Variants in ABCC3 observed in about 807,000 individuals in gnomAD.
ABCC3 encodes ATP binding cassette subfamily C member 3.
In ABCC3, 121 loss-of-function variants were observed where a neutral mutation model predicts 165.3. The ratio of observed to expected loss-of-function variants is 0.73; its 90% confidence interval spans 0.63 to 0.85. ABCC3 has a LOEUF of 0.85. Ranked by LOEUF, ABCC3 falls within the 40% of genes least tolerant of loss-of-function variation. The probability of loss-of-function intolerance (pLI) is 0.00; values close to 1 mark genes in which losing one functional copy is unlikely to be tolerated. For missense variants in ABCC3, 1,869 were observed against 1,964.1 expected, an observed-to-expected ratio of 0.95 and a Z score of 0.92; for synonymous variants, 733 against 810.1, an observed-to-expected ratio of 0.90 and a Z score of 1.62.
rs543240077 is a variant in ABCC3 at position 50,650,888 on chromosome 17, A to G, written c.46-4944A>G. Among the ~76,000 whole-genome samples the G allele has an allele frequency of 3.9e-5, 6 of 152,024 alleles. No homozygotes were observed. The South Asian group carries it at 1.2e-3, about 32-fold the overall frequency. ...AAGACCGGCCTGGCTGACATGCTGA[A>G]ACCCTGTCTCTATTAAAAATACAAA... On this transcript the variant is annotated intron_variant, in intron 1 of 30. Transcript: ENST00000285238.
At chr17:50,685,024 C>T (rs1967998970) in intron 29 of ABCC3, 149 bp downstream of exon 29, 1 of 908,438 alleles carries the variant, frequency 1.1e-6, no homozygotes, top group Admixed American at 2.8e-5. Context: ...ATTCCGTGTG[C>T]CAGGCATGGT....
In ABCC3 at chr17:50,678,103, A is replaced by T; in HGVS notation, c.3589A>T (p.Ile1197Phe). 1 of 1,600,742 alleles carries T rather than the reference A, an allele frequency of 6.2e-7. No individual in the cohort carries two copies. Among genetic ancestry groups the T allele is most frequent in the Non-Finnish European group, 8.5e-7 (1 of 1,171,958 alleles). Residue 1197 changes from isoleucine to phenylalanine, a missense_variant, in exon 25 of 31, where the codon ATC becomes TTC. By Grantham distance (21) the Ile-to-Phe change is conservative. Transcript: ENST00000285238. ...PYIISNRWLS[I>F]GVEFVGNCVV... is the part of the protein sequence containing the mutation. ...TCTGATCCCCCATAGGTGGCTGAGC[A>T]TCGGAGTGGAGTTCGTGGGGAACTG...
chr17:50,639,104 G>A (rs1047413869), intron 1 of ABCC3, among the ~76,000 whole-genome samples: 1 of 152,194 alleles, frequency 6.6e-6, no homozygotes, highest in African/African-American at 2.4e-5. Flanking sequence ...GCACATCCAT[G>A]GGGAAGCTGA....
chr17:50,635,723 A>C, intron 1 of ABCC3: 1 of 637,714 alleles, frequency 1.6e-6, no homozygotes, highest in South Asian at 1.7e-5. Flanking sequence ...GCTGGGATAG[A>C]AAAACAGGCT....
At chr17:50,674,718 C>T (rs765762465) in intron 19 of ABCC3, among the ~76,000 whole-genome samples, 1 of 151,880 alleles carries the variant, frequency 6.6e-6, no homozygotes, top group Non-Finnish European at 1.5e-5. Context: ...ATACAGCCAA[C>T]GTGCCTTGAG....
In ABCC3 at chr17:50,655,887, A is replaced by T; in HGVS notation, c.101A>T (p.Asn34Ile). The change falls in exon 2 of 31, where the codon AAC becomes ATC. Residue 34 changes from asparagine (N) to isoleucine (I), a missense_variant. Physicochemically the swap from Asn to Ile is moderately radical, Grantham distance 149. Coordinates refer to ENST00000285238, the MANE Select transcript of ABCC3 (RefSeq NM_003786.4). ...CCGGACCTCACTCCCTGCTTCCAGA[A>T]CTCCCTGCTGGCCTGGGTGCCCTGC... Reference protein sequence around the residue: ...ENPDLTPCFQNSLLAWVPCIY... With the variant: ...ENPDLTPCFQISLLAWVPCIY... The T allele has an allele frequency of 6.2e-7, 1 of 1,613,254 alleles. No homozygotes were observed. The highest frequency in any genetic ancestry group is 8.5e-7 in the Non-Finnish European group (1 of 1,179,794).
chr17:50,643,234 G>C (rs1209799693), intron 1 of ABCC3, among the ~76,000 whole-genome samples: 1 of 152,188 alleles, frequency 6.6e-6, no homozygotes, highest in Non-Finnish European at 1.5e-5. Context: ...GGCAGCTTTG[G>C]GACAGGCTAT....
chr17:50,676,500 C>G lies in ABCC3; in HGVS notation c.3290C>G (p.Ala1097Gly), dbSNP rs1967813375. The G allele has an allele frequency of 6.2e-7, 1 of 1,613,724 alleles. No homozygotes were observed. The highest frequency in any genetic ancestry group is 1.7e-5 in the Admixed American group (1 of 59,974). ...ILMLLNSFFNAISTLVVIMAS... is the reference protein window; with the variant it reads ...ILMLLNSFFNGISTLVVIMAS... ...ATGCTGCTCAATTCCTTCTTCAACG[C>G]CATCTCCACTCTTGTGGTCATCATG... The change falls in exon 23 of 31, where the codon GCC becomes GGC. Residue 1097 changes from alanine (A) to glycine (G), a missense_variant. Physicochemically the swap from Ala to Gly is moderately conservative, Grantham distance 60. Transcript: ENST00000285238.
intron 14 of ABCC3, 139 bp downstream of exon 14, chr17:50,668,656 T>A: frequency 1.3e-6 from 1 of 785,030 alleles, no homozygotes; most frequent in Non-Finnish European, 2.1e-6. Flanking sequence ...ACCTCCTCCC[T>A]CTTCCGGGTT....
Position 50,691,326 on chromosome 17 carries a change from A to C in ABCC3, c.*126A>C. 3 of 713,128 alleles carry C rather than the reference A, an allele frequency of 4.2e-6. No individual in the cohort carries two copies. In the Admixed American group the frequency reaches 6.5e-5, roughly 15 times the overall value. 44.2% of individuals were successfully genotyped at this position (713,128 alleles called of 1,614,324 possible). A position where few individuals can be genotyped will look rare whatever the true frequency, so the allele number is the denominator to read the frequency against. On this transcript the variant is annotated 3_prime_UTR_variant, in exon 31 of 31. Coordinates refer to ENST00000285238, the MANE Select transcript of ABCC3 (RefSeq NM_003786.4). ...GGCACCTTAAGATTTTGCACCTGTA[A>C]AGTGCCTTACAGGGTAACTGTGCTG...
At position 50,660,927 on chromosome 17, in the gene ABCC3, A is replaced by G. The variant is rs1446007533; in HGVS notation, c.811A>G (p.Lys271Glu). ...GCTCCTTCCTCCCTGGACCAGACAC[A>G]AGGCTTCAGCAGCACCTGGGAAAAA... ...RKQEKQTARH[K>E]ASAAPGKNAS... The change falls in exon 8 of 31, where the codon AAG becomes GAG. Residue 271 changes from lysine (K) to glutamate (E), a missense_variant. Coordinates refer to ENST00000285238, the MANE Select transcript of ABCC3 (RefSeq NM_003786.4). 6.3e-7 allele frequency: 1 copy of G among 1,596,872 alleles called. No homozygotes were observed. Among genetic ancestry groups the G allele is most frequent in the Non-Finnish European group, 8.5e-7 (1 of 1,172,126 alleles).
chr17:50,676,276 AG>A lies in ABCC3; in HGVS notation c.3069del. 6.2e-7 allele frequency: 1 copy of A among 1,610,198 alleles called. No homozygotes were observed. Among genetic ancestry groups the A allele is most frequent in the Non-Finnish European group, 8.5e-7 (1 of 1,177,892 alleles). ...GCCAGCGCCCTCTGCCTTCTCCAAC[AG>A]GGTTCTTGGTGATGCTGGCAGCCAT... On this transcript the variant is annotated splice_acceptor_variant, in intron 22 of 30. Coordinates refer to ENST00000285238, the MANE Select transcript of ABCC3 (RefSeq NM_003786.4). LOFTEE classifies it high-confidence loss of function.
At chr17:50,673,351 G>A (rs1967689195) in intron 18 of ABCC3, 118 bp from the exon 19 acceptor site, 1 of 1,358,382 alleles carries the variant, frequency 7.4e-7, no homozygotes, top group Non-Finnish European at 1.0e-6. Flanking sequence ...AGTCACCCAT[G>A]TGCCTGTCCA....
rs536248245 is a variant in ABCC3, at chr17:50,681,227, A to G, written c.3807+1328A>G. ...TGAATAATCTCTGTCCTCAAACCCC[A>G]CATCTCCCTCCTGCTCAGCCATCGA... On this transcript the variant is annotated intron_variant, in intron 26 of 30. Coordinates refer to ENST00000285238, the MANE Select transcript of ABCC3 (RefSeq NM_003786.4). 3.3e-5 allele frequency among the ~76,000 whole-genome samples: 5 copies of G among 152,106 alleles called. No homozygotes were observed. In the South Asian group the frequency reaches 1.0e-3, roughly 32 times the overall value.
intron 29 of ABCC3, among the ~76,000 whole-genome samples, chr17:50,686,100 A>G (rs1039976689): frequency 1.3e-5 from 2 of 152,242 alleles, no homozygotes; most frequent in African/African-American, 4.8e-5. Context: ...AAGCCAAGGC[A>G]GGAGAATCGC....
Position 50,690,808 on chromosome 17 carries a change from T to G in ABCC3, c.4476-284T>G, listed in dbSNP as rs533397177. 3.9e-5 allele frequency among the ~76,000 whole-genome samples: 6 copies of G among 152,358 alleles called. No individual in the cohort carries two copies. The South Asian group carries it at 1.2e-3, about 32-fold the overall frequency. On this transcript the variant is annotated intron_variant, in intron 30 of 30. Transcript: ENST00000285238. Reference sequence around the variant, plus strand: ...CTGCGCACAGCCTGCTGAAGTCCTGTGACCCCGGCAAGGGGAAGGGCTCAT... The same window carrying G: ...CTGCGCACAGCCTGCTGAAGTCCTGGGACCCCGGCAAGGGGAAGGGCTCAT...
At chr17:50,636,486 A>G (rs2054181335) in intron 1 of ABCC3, among the ~76,000 whole-genome samples, 1 of 152,228 alleles carries the variant, frequency 6.6e-6, no homozygotes, top group South Asian at 2.1e-4. Context: ...CCAGTCCCAC[A>G]GGAACTTCAT....
chr17:50,663,421 C>A (rs1043570313), intron 8 of ABCC3: 2 of 503,842 alleles, frequency 4.0e-6, no homozygotes, highest in African/African-American at 3.8e-5. Context: ...GCAGGTGAGG[C>A]TGGTGGTGAG....
At chr17:50,690,080 A>C (rs943845136) in intron 30 of ABCC3, among the ~76,000 whole-genome samples, 1 of 152,190 alleles carries the variant, frequency 6.6e-6, no homozygotes, top group Non-Finnish European at 1.5e-5. Context: ...AGAATGAGTA[A>C]GAGTTGGAGG....
Sources: allele counts gnomAD v4.1 joint callset (sites outside exome capture counted in the v4.1 genomes callset), GRCh38; gene constraint gnomAD v4.1.1; transcripts MANE v1.5; gene names NCBI Gene and HGNC (gene_info 2026-07-23, HGNC 2026-07-21).